RPS6KC1: variants seen among roughly 807,000 people sequenced by gnomAD.
RPS6KC1 encodes ribosomal protein S6 kinase C1.
RPS6KC1 carries 54 observed loss-of-function variants against 103.8 expected under a neutral mutation model. That is an observed-to-expected ratio of 0.52 (90% CI 0.42 to 0.65). The LOEUF (loss-of-function observed/expected upper bound fraction) is 0.65. Ranked by LOEUF, RPS6KC1 falls within the 30% of genes least tolerant of loss-of-function variation. RPS6KC1 has a pLI of 0.00. For missense variants in RPS6KC1, 1,151 were observed against 1,253.8 expected, an observed-to-expected ratio of 0.92 and a Z score of 1.24; for synonymous variants, 439 against 438.7, an observed-to-expected ratio of 1.00 and a Z score of -0.01.
chr1:213,246,068 G>A (rs908147710), intron 12 of RPS6KC1, among the ~76,000 whole-genome samples: 21 of 152,140 alleles, frequency 1.4e-4, no homozygotes, highest in African/African-American at 4.3e-4. Context: ...GGCTACATCT[G>A]TGAAAAAGCC....
At chr1:213,459,840 G>A in the RPS6KC1 span, among the ~76,000 whole-genome samples, 1 of 152,008 alleles carries the variant, frequency 6.6e-6, no homozygotes, top group Non-Finnish European at 1.5e-5. Flanking sequence ...TTCATTTTGT[G>A]ATTTACCAGT....
the RPS6KC1 span, among the ~76,000 whole-genome samples, chr1:213,334,019 A>C: frequency 6.6e-6 from 1 of 152,172 alleles, no homozygotes; most frequent in Non-Finnish European, 1.5e-5. Flanking sequence ...AGAGGCACTC[A>C]GTGGAGAACT....
chr1:213,233,324 C>T (rs2094147054), intron 10 of RPS6KC1, among the ~76,000 whole-genome samples: 1 of 152,086 alleles, frequency 6.6e-6, no homozygotes, highest in African/African-American at 2.4e-5. Context: ...CACCTTTGTT[C>T]AGACATTATA....
chr1:213,460,175 G>T, the RPS6KC1 span, among the ~76,000 whole-genome samples: 2 of 152,106 alleles, frequency 1.3e-5, no homozygotes, highest in Non-Finnish European at 2.9e-5. Flanking sequence ...TATTGACAGT[G>T]GGGTGTTAAA....
chr1:213,502,464 T>C, the RPS6KC1 span, among the ~76,000 whole-genome samples: 2 of 152,180 alleles, frequency 1.3e-5, no homozygotes, highest in Non-Finnish European at 2.9e-5. Context: ...ATGTTTAGGA[T>C]CTCTAGTAAT....
chr1:213,742,467 A>T, the RPS6KC1 span, among the ~76,000 whole-genome samples: 1 of 152,204 alleles, frequency 6.6e-6, no homozygotes, highest in Non-Finnish European at 1.5e-5. Context: ...TTTCTTGGAG[A>T]GGAGGACGGG....
At chr1:213,504,356 A>T in the RPS6KC1 span, among the ~76,000 whole-genome samples, 2 of 152,096 alleles carry the variant, frequency 1.3e-5, no homozygotes, top group South Asian at 2.1e-4. Flanking sequence ...CTTCTCAAAC[A>T]TGATATCAAA....
chr1:213,685,479 A>C, the RPS6KC1 span, among the ~76,000 whole-genome samples: 1 of 151,992 alleles, frequency 6.6e-6, no homozygotes, highest in Non-Finnish European at 1.5e-5. Context: ...AAAAATACAA[A>C]ATTAGCCAGG....
the RPS6KC1 span, among the ~76,000 whole-genome samples, chr1:213,569,525 C>T: frequency 3.3e-5 from 5 of 152,108 alleles, no homozygotes; most frequent in Admixed American, 6.5e-5. Context: ...TCATAAGTCA[C>T]CTGTACTCAT....
chr1:213,571,373 G>A, the RPS6KC1 span, among the ~76,000 whole-genome samples: 1 of 152,182 alleles, frequency 6.6e-6, no homozygotes, highest in Non-Finnish European at 1.5e-5. Flanking sequence ...AGGTCTGGAG[G>A]CAATAAGAGG....
chr1:213,636,965 G>A, the RPS6KC1 span, among the ~76,000 whole-genome samples: 21,409 of 151,984 alleles, frequency 0.14, 2,371 homozygotes, highest in African/African-American at 0.31. Context: ...ATATGAACAG[G>A]CACTTCTCAA....
chr1:213,665,468 A>C, the RPS6KC1 span, among the ~76,000 whole-genome samples: 12 of 152,160 alleles, frequency 7.9e-5, no homozygotes, highest in African/African-American at 2.9e-4. Flanking sequence ...ATTTCCATTA[A>C]AAATAAAATT....
At chr1:213,469,967 C>T in the RPS6KC1 span, among the ~76,000 whole-genome samples, 3 of 152,146 alleles carry the variant, frequency 2.0e-5, no homozygotes, top group Admixed American at 6.5e-5. Context: ...GAGCTATGAT[C>T]GTACCACTGT....
At chr1:213,306,879 C>T in the RPS6KC1 span, among the ~76,000 whole-genome samples, 49 of 152,184 alleles carry the variant, frequency 3.2e-4, no homozygotes, top group African/African-American at 1.0e-3. Flanking sequence ...CAGCATCTGT[C>T]GTGGGACGTC....
chr1:213,430,700 C>T, the RPS6KC1 span, among the ~76,000 whole-genome samples: 1 of 152,182 alleles, frequency 6.6e-6, no homozygotes, highest in Non-Finnish European at 1.5e-5. Context: ...ATCCCCCAAG[C>T]CCTGTTGTAA....
intron 3 of RPS6KC1, among the ~76,000 whole-genome samples, chr1:213,103,752 A>C (rs142235937): frequency 2.8e-4 from 43 of 152,344 alleles, no homozygotes; most frequent in African/African-American, 9.9e-4. Context: ...GGCATATGAT[A>C]AATGTCAACT....
At chr1:213,499,441 G>A in the RPS6KC1 span, among the ~76,000 whole-genome samples, 1 of 152,170 alleles carries the variant, frequency 6.6e-6, no homozygotes, top group Non-Finnish European at 1.5e-5. Context: ...GTTGGGGGAT[G>A]GTTTTGGGAT....
chr1:213,115,871 G>C (rs1473224201), intron 4 of RPS6KC1, among the ~76,000 whole-genome samples: 2 of 152,214 alleles, frequency 1.3e-5, no homozygotes, highest in Admixed American at 1.3e-4. Context: ...TTTTGAGTGA[G>C]TTTCTTAATC....
chr1:213,615,320 A>G, the RPS6KC1 span, among the ~76,000 whole-genome samples: 1 of 152,244 alleles, frequency 6.6e-6, no homozygotes, highest in Non-Finnish European at 1.5e-5. Flanking sequence ...CCAGCAGCAC[A>G]TGGAAGGAAC....
Sources: allele counts gnomAD v4.1 joint callset (sites outside exome capture counted in the v4.1 genomes callset), GRCh38; gene constraint gnomAD v4.1.1; transcripts MANE v1.5; gene names NCBI Gene and HGNC (gene_info 2026-07-23, HGNC 2026-07-21).